Variants in SCN2A observed in about 807,000 individuals in gnomAD.
SCN2A encodes the protein sodium channel protein type 2 subunit alpha.
SCN2A carries 20 observed loss-of-function variants against 188.7 expected under a neutral mutation model. The observed-to-expected ratio is 0.11, with a 90% CI of 0.07 to 0.15. SCN2A has a LOEUF of 0.15. Ranked by LOEUF, SCN2A falls within the 10% of genes least tolerant of loss-of-function variation. SCN2A has a pLI of 1.00. For missense variants in SCN2A, 1,278 were observed against 2,445.0 expected (o/e 0.52, Z 10.07); for synonymous variants, 804 against 833.1 (o/e 0.97, Z 0.60).
chr2:165,348,220 G>A (rs546276882), intron 16 of SCN2A, among the ~76,000 whole-genome samples: 6 of 152,116 alleles, frequency 3.9e-5, no homozygotes, highest in East Asian at 3.9e-4. Context: ...TTAGCCAGGC[G>A]TGATGATGCA....
intron 23 of SCN2A, among the ~76,000 whole-genome samples, chr2:165,378,966 G>C (rs1701455614): frequency 6.6e-6 from 1 of 151,418 alleles, no homozygotes; most frequent in South Asian, 2.1e-4. Context: ...GTTTTACCAA[G>C]GATAAACAGC....
chr2:165,321,461 T>C (rs1169894754), intron 11 of SCN2A, among the ~76,000 whole-genome samples: 1 of 152,216 alleles, frequency 6.6e-6, no homozygotes, highest in Admixed American at 6.5e-5. Context: ...ATCAATTTAC[T>C]GTATTAATCT....
At position 165,323,425 on chromosome 2, in the gene SCN2A, T is replaced by C. The variant is rs370300941; in HGVS notation, c.1941T>C (p.Ala647=). The stretch of plus-strand genomic sequence containing the variant: ...CCATGAATGGGAAGATGCATAGCGC[T>C]GTGGACTGCAATGGTGTGGTCTCCC... ...ILPMNGKMHS[A]VDCNGVVSLV... is the part of the protein sequence containing the mutation. Residue 647 remains alanine, a synonymous_variant, in exon 12 of 27, where the codon GCT becomes GCC. Transcript: ENST00000375437. The C allele has an allele frequency of 3.1e-6, 5 of 1,613,980 alleles. No homozygotes were observed. In the African/African-American group the frequency reaches 5.3e-5, roughly 17 times the overall value.
At chr2:165,300,364 A>C (rs533402341) in intron 3 of SCN2A, among the ~76,000 whole-genome samples, 20 of 152,290 alleles carry the variant, frequency 1.3e-4, no homozygotes, top group Non-Finnish European at 2.6e-4. Context: ...AGTTACATTC[A>C]TGTGAGTGTG....
At chr2:165,368,614 A>T (rs1236877984) in intron 19 of SCN2A, among the ~76,000 whole-genome samples, 1 of 152,172 alleles carries the variant, frequency 6.6e-6, no homozygotes, top group Non-Finnish European at 1.5e-5. Context: ...TTAATTACTG[A>T]CTAGCAAAAA....
At chr2:165,258,606 T>C (rs1477265697) in intron 1 of SCN2A, among the ~76,000 whole-genome samples, 2 of 152,206 alleles carry the variant, frequency 1.3e-5, no homozygotes, top group Non-Finnish European at 2.9e-5. Flanking sequence ...GAAATATAAA[T>C]GGTTCTACCA....
chr2:165,326,373 A>G (rs1698360034), intron 12 of SCN2A, among the ~76,000 whole-genome samples: 1 of 152,244 alleles, frequency 6.6e-6, no homozygotes, highest in Non-Finnish European at 1.5e-5. Context: ...TAATGAATGA[A>G]GGCATTTTGC....
intron 14 of SCN2A, among the ~76,000 whole-genome samples, chr2:165,342,042 G>A (rs1353823879): frequency 6.6e-6 from 1 of 152,126 alleles, no homozygotes; most frequent in Non-Finnish European, 1.5e-5. Context: ...TGAGTCAGTT[G>A]CACCTTTCAT....
At chr2:165,322,181 C>G (rs1267717419) in intron 11 of SCN2A, among the ~76,000 whole-genome samples, 2 of 152,138 alleles carry the variant, frequency 1.3e-5, no homozygotes, top group African/African-American at 2.4e-5. Context: ...TTAGCAGCCT[C>G]AAGTGAAAAA....
At chr2:165,284,698 G>A (rs1184062404) in intron 1 of SCN2A, among the ~76,000 whole-genome samples, 2 of 152,136 alleles carry the variant, frequency 1.3e-5, no homozygotes, top group East Asian at 3.9e-4. Context: ...CAAACAAGTG[G>A]AAATACCTCA....
chr2:165,383,069 C>A (rs1269791162), intron 25 of SCN2A, among the ~76,000 whole-genome samples: 1 of 152,032 alleles, frequency 6.6e-6, no homozygotes, highest in African/African-American at 2.4e-5. Context: ...TAGTAAAATC[C>A]ATTTATTCCT....
intron 17 of SCN2A, among the ~76,000 whole-genome samples, chr2:165,356,759 G>A (rs1700200485): frequency 6.6e-6 from 1 of 152,148 alleles, no homozygotes; most frequent in Admixed American, 6.5e-5. Context: ...AAAAGAGCGT[G>A]TATTTTGCCT....
In SCN2A at chr2:165,309,414, G is replaced by A. The variant is rs121917752; in HGVS notation, c.668G>A (p.Arg223Gln). The change falls in exon 6 of 27, where the codon CGA (arginine) becomes CAA (glutamine). Residue 223 changes from arginine to glutamine, a missense_variant. Physicochemically the swap from Arg to Gln is conservative, Grantham distance 43. Coordinates refer to ENST00000375437, the MANE Select transcript of SCN2A (RefSeq NM_001040142.2). ...GCGTTGAGAACATTCAGAGTTCTCC[G>A]AGCATTGAAAACAATTTCAGTCATT... ...VSALRTFRVL[R>Q]ALKTISVIPG... is the part of the protein sequence containing the mutation. The A allele has an allele frequency of 1.2e-6, 2 of 1,613,656 alleles. No homozygotes were observed. Among genetic ancestry groups the A allele is most frequent in the Non-Finnish European group, 8.5e-7 (1 of 1,179,678 alleles).
intron 1 of SCN2A, among the ~76,000 whole-genome samples, chr2:165,276,268 G>GA (rs61197555): frequency 0.4 from 59,428 of 148,410 alleles, 12,163 homozygotes; most frequent in East Asian, 0.62. Context: ...AAATACTTAG[G>GA]AAAAAAAAAA....
intron 1 of SCN2A, among the ~76,000 whole-genome samples, chr2:165,275,881 C>A (rs1270013638): frequency 6.6e-6 from 1 of 151,974 alleles, no homozygotes; most frequent in Admixed American, 6.6e-5. Flanking sequence ...ATTACAGGCA[C>A]CCGCCACCAC....
intron 3 of SCN2A, among the ~76,000 whole-genome samples, chr2:165,300,639 C>A (rs941120815): frequency 6.6e-6 from 1 of 152,044 alleles, no homozygotes; most frequent in Admixed American, 6.6e-5. Flanking sequence ...GGTGGTGGTG[C>A]AACTAGTATG....
chr2:165,355,759 AG>A (rs1250655457), intron 17 of SCN2A, among the ~76,000 whole-genome samples: 1 of 152,084 alleles, frequency 6.6e-6, no homozygotes, highest in Non-Finnish European at 1.5e-5. Flanking sequence ...TTATAAAAAA[AG>A]AACAAAGATG....
chr2:165,259,342 C>CA (rs1171174107), intron 1 of SCN2A, among the ~76,000 whole-genome samples: 1 of 152,250 alleles, frequency 6.6e-6, no homozygotes, highest in East Asian at 1.9e-4. Flanking sequence ...AATAAGACTA[C>CA]AATGAAGTTT....
Position 165,312,011 on chromosome 2 carries a change from T to G in SCN2A, c.971-14T>G. On this transcript the variant is annotated splice_polypyrimidine_tract_variant and intron_variant, in intron 7 of 26. Transcript: ENST00000375437. ...GATTTTAATGATTCTTTCTATTCCT[T>G]TCTCTTTAAATAGGTCACTTTTATT... 2 of 1,598,174 alleles carry G rather than the reference T, an allele frequency of 1.3e-6. No individual in the cohort carries two copies. Among genetic ancestry groups the G allele is most frequent in the Non-Finnish European group, 1.7e-6 (2 of 1,166,782 alleles).
Sources: gnomAD v4.1 joint callset for allele counts (sites outside exome capture counted in the v4.1 genomes callset) on GRCh38, gnomAD v4.1.1 for gene constraint, MANE v1.5 for transcripts, NCBI Gene and HGNC (gene_info 2026-07-23, HGNC 2026-07-21) for gene names.